Variants in GLI3 observed in about 807,000 individuals in gnomAD.
GLI3 encodes the protein transcription activator GLI3.
GLI3 carries 20 observed loss-of-function variants against 100.8 expected under a neutral mutation model. That is an observed-to-expected ratio of 0.20 (90% CI 0.14 to 0.29). The LOEUF is 0.29. GLI3 is among the 10% of genes least tolerant of loss of function. The pLI, the probability that GLI3 is intolerant of heterozygous loss-of-function variation, is 1.00. For synonymous variants in GLI3, 938 were observed against 860.5 expected (o/e 1.09, Z -1.58); for missense variants, 2,040 against 2,128.5 (o/e 0.96, Z 0.82).
intron 3 of GLI3, among the ~76,000 whole-genome samples, chr7:42,104,350 C>A (rs1785529793): frequency 6.6e-6 from 1 of 152,224 alleles, no homozygotes; most frequent in South Asian, 2.1e-4. Flanking sequence ...CATCTGCACC[C>A]TCCAGCCTTG....
chr7:42,001,101 T>C (rs1215074701), intron 10 of GLI3, among the ~76,000 whole-genome samples: 3 of 151,468 alleles, frequency 2.0e-5, no homozygotes, highest in Non-Finnish European at 4.4e-5. Flanking sequence ...AAAAATTAGC[T>C]GGGCGTGGTG....
At chr7:42,172,749 C>A in intron 2 of GLI3, 1 of 641,816 alleles carries the variant, frequency 1.6e-6, no homozygotes, top group Non-Finnish European at 2.8e-6. Context: ...AAAGTTAACA[C>A]ATTTCATTAC....
At chr7:42,101,281 T>C (rs1583557826) in intron 3 of GLI3, among the ~76,000 whole-genome samples, 1 of 152,184 alleles carries the variant, frequency 6.6e-6, no homozygotes, top group African/African-American at 2.4e-5. Flanking sequence ...TCTCTCCTAC[T>C]GTATTTAGGC....
intron 2 of GLI3, among the ~76,000 whole-genome samples, chr7:42,189,077 G>A (rs1787775498): frequency 6.6e-6 from 1 of 152,068 alleles, no homozygotes; most frequent in Non-Finnish European, 1.5e-5. Context: ...CAGTGGGGGA[G>A]GTTGTGGCTG....
intron 7 of GLI3, among the ~76,000 whole-genome samples, chr7:42,031,268 G>T (rs1238808941): frequency 6.6e-6 from 1 of 152,018 alleles, no homozygotes; most frequent in African/African-American, 2.4e-5. Context: ...TGAAAGATGG[G>T]GTAATTTAAG....
At chr7:41,983,213 C>T (rs1031575724) in intron 10 of GLI3, among the ~76,000 whole-genome samples, 11 of 152,134 alleles carry the variant, frequency 7.2e-5, no homozygotes, top group Admixed American at 1.3e-4. Context: ...GACAGGTGAG[C>T]CCTCAAGCCT....
chr7:41,973,175 T>C (rs761034996), intron 12 of GLI3, among the ~76,000 whole-genome samples: 40 of 152,246 alleles, frequency 2.6e-4, no homozygotes, highest in Non-Finnish European at 5.1e-4. Flanking sequence ...GCATCTCCCA[T>C]GTTAGATGAC....
intron 1 of GLI3, among the ~76,000 whole-genome samples, chr7:42,261,154 G>A (rs1583679846): frequency 1.3e-5 from 2 of 151,862 alleles, no homozygotes; most frequent in Admixed American, 1.3e-4. Context: ...GGCAAAGGTG[G>A]AGCAGGCATG....
chr7:42,169,362 A>T (rs1177875995), intron 2 of GLI3, among the ~76,000 whole-genome samples: 1 of 152,240 alleles, frequency 6.6e-6, no homozygotes, highest in African/African-American at 2.4e-5. Context: ...TTAAATGTGC[A>T]ATATGAAAAT....
intron 3 of GLI3, among the ~76,000 whole-genome samples, chr7:42,143,171 A>AGC (rs1786614012): frequency 6.6e-6 from 1 of 152,198 alleles, no homozygotes; most frequent in African/African-American, 2.4e-5. Context: ...CAGCCTAGGA[A>AGC]GCAAGAGACC....
intron 3 of GLI3, among the ~76,000 whole-genome samples, chr7:42,101,932 G>A (rs113888255): frequency 0.15 from 21,354 of 143,980 alleles, 1,971 homozygotes; most frequent in African/African-American, 0.26. Context: ...GAGAATATGC[G>A]GTGTTTGGTT....
At chr7:41,999,808 A>G (rs1788235102) in intron 10 of GLI3, among the ~76,000 whole-genome samples, 1 of 152,132 alleles carries the variant, frequency 6.6e-6, no homozygotes, top group Non-Finnish European at 1.5e-5. Flanking sequence ...AATGCATACT[A>G]TCCATTCTCT....
At chr7:42,069,460 G>C (rs941737878) in intron 4 of GLI3, among the ~76,000 whole-genome samples, 1 of 152,168 alleles carries the variant, frequency 6.6e-6, no homozygotes, top group Admixed American at 6.5e-5. Context: ...GGTGGCCTAA[G>C]ATAGTTCTTG....
At chr7:42,215,278 C>T (rs1008146210) in intron 2 of GLI3, among the ~76,000 whole-genome samples, 2 of 152,146 alleles carry the variant, frequency 1.3e-5, no homozygotes, top group Non-Finnish European at 2.9e-5. Flanking sequence ...GTGAATCTTA[C>T]TGTATGTGAA....
At position 41,977,407 on chromosome 7, in the gene GLI3, G is replaced by A. The variant is rs955459066; in HGVS notation, c.1812+151C>T. 5.2e-6 allele frequency: 4 copies of A among 776,356 alleles called. No homozygotes were observed. In the African/African-American group the frequency reaches 6.9e-5, roughly 13 times the overall value. The allele number at this position is 776,356 out of a possible 1,614,324, so 48.1% of individuals were successfully genotyped here. A position where few individuals can be genotyped will look rare whatever the true frequency, so the allele number is the denominator to read the frequency against. On this transcript the variant is annotated intron_variant, in intron 12 of 14. Transcript: ENST00000395925. Reference sequence around the variant, plus strand: ...TCCAGTTTCCAGTCCCACCTAGGAAGCTCAAGCCTTCACCTGCAGGGGCAG... The same window carrying A: ...TCCAGTTTCCAGTCCCACCTAGGAAACTCAAGCCTTCACCTGCAGGGGCAG...
chr7:42,235,377 G>T (rs1788769342), intron 1 of GLI3, among the ~76,000 whole-genome samples: 1 of 152,150 alleles, frequency 6.6e-6, no homozygotes. Flanking sequence ...AGGATGAATG[G>T]TTCCTGCCTT....
Position 42,220,870 on chromosome 7 carries a change from C to T in GLI3, c.124+2260G>A, listed in dbSNP as rs545648061. Among the ~76,000 whole-genome samples the T allele has an allele frequency of 9.9e-5, 15 of 152,264 alleles. No homozygotes were observed. The East Asian group carries it at 2.5e-3, about 25-fold the overall frequency. On this transcript the variant is annotated intron_variant, in intron 2 of 14. Transcript: ENST00000395925. Reference sequence around the variant, plus strand: ...AAAACAGTAAATCTCTTAGAAGAAACAGGAACACTGAAAAACTGGCCAGAG... The same window carrying T: ...AAAACAGTAAATCTCTTAGAAGAAATAGGAACACTGAAAAACTGGCCAGAG...
chr7:42,238,064 C>T (rs1434405662), upstream of GLI3, among the ~76,000 whole-genome samples: 2 of 150,288 alleles, frequency 1.3e-5, no homozygotes, highest in African/African-American at 2.4e-5. Flanking sequence ...CCCCGGTCTT[C>T]ACACAGACAC....
At chr7:41,984,002 T>C (rs1787744123) in intron 10 of GLI3, among the ~76,000 whole-genome samples, 1 of 152,132 alleles carries the variant, frequency 6.6e-6, no homozygotes, top group African/African-American at 2.4e-5. Context: ...TTCCACTCCT[T>C]TGGGGCTCCG....
Sources: gnomAD v4.1 joint callset for allele counts (sites outside exome capture counted in the v4.1 genomes callset) on GRCh38, gnomAD v4.1.1 for gene constraint, MANE v1.5 for transcripts, NCBI Gene and HGNC (gene_info 2026-07-23, HGNC 2026-07-21) for gene names.